Variants in SOX5 observed in about 807,000 individuals in gnomAD.
SOX5 encodes the protein SRY-box transcription factor 5.
In SOX5, 9 loss-of-function variants were observed where a neutral mutation model predicts 92.0. The ratio of observed to expected loss-of-function variants is 0.10; its 90% CI spans 0.06 to 0.17. The LOEUF (loss-of-function observed/expected upper bound fraction) is 0.17, where lower values mean the gene tolerates loss of function less well. SOX5 is among the 10% of genes least tolerant of loss of function. The pLI, the probability that SOX5 is intolerant of heterozygous loss-of-function variation, is 1.00. For missense variants in SOX5, 642 were observed against 944.5 expected (o/e 0.68, Z 4.20); for synonymous variants, 344 against 336.3 (o/e 1.02, Z -0.25).
intron 3 of SOX5, among the ~76,000 whole-genome samples, chr12:24,235,542 T>C (rs554110891): frequency 6.6e-6 from 1 of 152,288 alleles, no homozygotes; most frequent in South Asian, 2.1e-4. Context: ...TTGAAAAAGG[T>C]TGAGCTAAAA....
chr12:24,448,358 G>A (rs1941794435), intron 1 of SOX5, among the ~76,000 whole-genome samples: 1 of 152,070 alleles, frequency 6.6e-6, no homozygotes, highest in Non-Finnish European at 1.5e-5. Flanking sequence ...TGAAAATGGA[G>A]AGAAAAACTA....
intron 2 of SOX5, among the ~76,000 whole-genome samples, chr12:24,290,215 C>T (rs1161607733): frequency 6.6e-6 from 1 of 152,118 alleles, no homozygotes; most frequent in Non-Finnish European, 1.5e-5. Flanking sequence ...CCATTTTATC[C>T]TCATATCCAA....
At chr12:23,762,126 C>T (rs960872958) in intron 3 of SOX5, among the ~76,000 whole-genome samples, 1 of 152,056 alleles carries the variant, frequency 6.6e-6, no homozygotes, top group Non-Finnish European at 1.5e-5. Flanking sequence ...TAATATTGAC[C>T]TTTACATATC....
At chr12:24,015,957 G>C (rs1449500464) in intron 4 of SOX5, among the ~76,000 whole-genome samples, 3 of 152,078 alleles carry the variant, frequency 2.0e-5, no homozygotes, top group Admixed American at 6.6e-5. Flanking sequence ...ACAGCACAGA[G>C]GGAGGAGCTC....
chr12:23,762,839 C>G (rs2094600917), intron 3 of SOX5, among the ~76,000 whole-genome samples: 1 of 152,012 alleles, frequency 6.6e-6, no homozygotes, highest in South Asian at 2.1e-4. Flanking sequence ...ATATCAATAA[C>G]CTTAGGTTTA....
chr12:23,857,604 A>G (rs2096707141), intron 2 of SOX5, among the ~76,000 whole-genome samples: 1 of 152,182 alleles, frequency 6.6e-6, no homozygotes, highest in African/African-American at 2.4e-5. Context: ...GGTGATAGTT[A>G]CTTCTATAGG....
chr12:23,745,376 A>G (rs1374631906), intron 4 of SOX5, among the ~76,000 whole-genome samples: 1 of 152,140 alleles, frequency 6.6e-6, no homozygotes, highest in Non-Finnish European at 1.5e-5. Context: ...AACTGGTACC[A>G]AAATTACTTT....
At chr12:23,892,826 C>T (rs1021005993) in intron 2 of SOX5, among the ~76,000 whole-genome samples, 2 of 152,082 alleles carry the variant, frequency 1.3e-5, no homozygotes, top group Non-Finnish European at 2.9e-5. Context: ...ACTTAAGAAT[C>T]CAATGGAAAC....
intron 4 of SOX5, among the ~76,000 whole-genome samples, chr12:24,128,462 C>T (rs1949324017): frequency 6.6e-6 from 1 of 152,142 alleles, no homozygotes; most frequent in Non-Finnish European, 1.5e-5. Flanking sequence ...TGGTGAAATG[C>T]TAGCAGTAAA....
chr12:23,978,657 T>G (rs150074767), intron 4 of SOX5, among the ~76,000 whole-genome samples: 1 of 152,182 alleles, frequency 6.6e-6, no homozygotes. Context: ...GCCAAGCCAA[T>G]GGCAACTCAG....
intron 2 of SOX5, among the ~76,000 whole-genome samples, chr12:24,365,470 A>G (rs1277641589): frequency 1.3e-5 from 2 of 152,036 alleles, no homozygotes; most frequent in African/African-American, 4.8e-5. Flanking sequence ...AGGCATTTAG[A>G]AAGTACCCAT....
intron 4 of SOX5, among the ~76,000 whole-genome samples, chr12:23,999,373 G>C (rs1829960161): frequency 2.0e-5 from 3 of 152,062 alleles, no homozygotes; most frequent in African/African-American, 7.2e-5. Context: ...ATAAGTTCTA[G>C]ATACCTAGTA....
intron 4 of SOX5, among the ~76,000 whole-genome samples, chr12:24,090,998 T>C (rs1316113086): frequency 1.3e-5 from 2 of 152,230 alleles, no homozygotes; most frequent in Non-Finnish European, 2.9e-5. Flanking sequence ...AGAGTTCTGC[T>C]GCTATATTTT....
At chr12:24,386,417 T>G (rs1051886882) in intron 1 of SOX5, among the ~76,000 whole-genome samples, 1 of 152,186 alleles carries the variant, frequency 6.6e-6, no homozygotes, top group Non-Finnish European at 1.5e-5. Context: ...GTATTAAATA[T>G]AAGTGTAATT....
At chr12:23,922,516 C>G (rs994436315) in intron 1 of SOX5, among the ~76,000 whole-genome samples, 3 of 152,190 alleles carry the variant, frequency 2.0e-5, no homozygotes, top group African/African-American at 7.2e-5. Flanking sequence ...ATTCATGGGT[C>G]ACTTGTGTCT....
At chr12:23,653,037 T>TGGAC (rs199917880) in intron 7 of SOX5, among the ~76,000 whole-genome samples, 1 of 149,934 alleles carries the variant, frequency 6.7e-6, no homozygotes, top group Admixed American at 6.7e-5. Context: ...GATAGATGGA[T>TGGAC]GGATGGATGG....
At chr12:24,360,468 G>A (rs1955415867) in intron 2 of SOX5, among the ~76,000 whole-genome samples, 1 of 152,128 alleles carries the variant, frequency 6.6e-6, no homozygotes, top group South Asian at 2.1e-4. Context: ...AGTCCAAAAA[G>A]TAGAGGGATC....
chr12:24,304,580 C>T (rs1302567889), intron 2 of SOX5, among the ~76,000 whole-genome samples: 1 of 152,156 alleles, frequency 6.6e-6, no homozygotes. Context: ...CTCCACAGCA[C>T]TGGTGTTTTG....
chr12:24,058,922 G>C (rs1939126952), intron 4 of SOX5, among the ~76,000 whole-genome samples: 1 of 152,128 alleles, frequency 6.6e-6, no homozygotes, highest in Non-Finnish European at 1.5e-5. Flanking sequence ...TGATGTCAAG[G>C]GGCCTTTCCA....
Sources: gnomAD v4.1 joint callset for allele counts (sites outside exome capture counted in the v4.1 genomes callset) on GRCh38, gnomAD v4.1.1 for gene constraint, MANE v1.5 for transcripts, NCBI Gene and HGNC (gene_info 2026-07-23, HGNC 2026-07-21) for gene names.